Variants in RDH12 observed in about 807,000 individuals in gnomAD.
RDH12 encodes all-trans and 9-cis retinol dehydrogenase.
Under a neutral mutation model 34.0 loss-of-function variants are expected in RDH12, and 21 were observed. That is an observed-to-expected ratio of 0.62 (90% CI 0.44 to 0.89). The LOEUF (loss-of-function observed/expected upper bound fraction) is 0.89, where lower values mean the gene tolerates loss of function less well. Among genes scored for constraint, RDH12 ranks in the 40% least tolerant of loss-of-function variants. RDH12 has a pLI of 0.00. For synonymous variants in RDH12, 198 were observed against 169.9 expected, an observed-to-expected ratio of 1.17 and a Z score of -1.29; for missense variants, 394 against 398.6, an observed-to-expected ratio of 0.99 and a Z score of 0.10.
At position 67,726,190 on chromosome 14, in the gene RDH12, A is replaced by C. The variant is rs759195782; in HGVS notation, c.448+35A>C. ...TTTGGGTGACTAAAAAATGAGGTAC[A>C]CCCACTATCTTTTCTTTAGGAAGAT... On this transcript the variant is annotated intron_variant, in intron 6 of 8. Coordinates refer to ENST00000551171, the MANE Select transcript of RDH12 (RefSeq NM_152443.3). 3.3e-6 allele frequency: 4 copies of C among 1,200,762 alleles called. No homozygotes were observed. The South Asian group carries it at 4.8e-5, about 14-fold the overall frequency. The allele number at this position is 1,200,762 out of a possible 1,614,324, so 74.4% of individuals were successfully genotyped here.
chr14:67,726,269 C>T (rs1037399062), intron 6 of RDH12, 114 bp downstream of exon 6: 7 of 755,786 alleles, frequency 9.3e-6, no homozygotes, highest in Non-Finnish European at 1.7e-5. Context: ...CCTAGGAATT[C>T]CAATAGACTA....
rs765914942 is a variant in RDH12 at position 67,725,195 on chromosome 14, G to A, written c.284G>A (p.Arg95Gln). The A allele has an allele frequency of 5.8e-5, 94 of 1,614,024 alleles. No individual in the cohort carries two copies. Among genetic ancestry groups the A allele is most frequent in the Non-Finnish European group, 7.1e-5 (84 of 1,180,042 alleles). Residue 95 changes from arginine to glutamine, a missense_variant, in exon 5 of 9, where the codon CGG becomes CAG. Transcript: ENST00000551171. ...ACAAAGAACTCCCAGGTGCTGGTGC[G>A]GAAATTGGACCTATCCGACACCAAA... is the stretch of plus-strand genomic sequence containing the variant. The part of the protein sequence containing the change: ...VDTKNSQVLV[R>Q]KLDLSDTKSI...
At chr14:67,713,860 G>A (rs1028088011) in intron 1 of RDH12, among the ~76,000 whole-genome samples, 8 of 152,236 alleles carry the variant, frequency 5.3e-5, no homozygotes, top group African/African-American at 1.9e-4. Flanking sequence ...GAAGCAGGGA[G>A]GGGGCTTCCA....
intron 7 of RDH12, 122 bp downstream of exon 7, chr14:67,727,312 G>A: frequency 5.1e-6 from 4 of 787,972 alleles, no homozygotes; most frequent in South Asian, 4.4e-5. Context: ...GGACTAAGGA[G>A]AATGAAATTA....
Position 67,725,021 on chromosome 14 carries a change from C to A in RDH12, c.188-78C>A, listed in dbSNP as rs918044863. 4.0e-6 allele frequency: 6 copies of A among 1,496,692 alleles called. No homozygotes were observed. The Admixed American group carries it at 5.0e-5, about 13-fold the overall frequency. The allele number at this position is 1,496,692 out of a possible 1,614,324, so 92.7% of individuals were successfully genotyped here. A position where few individuals can be genotyped will look rare whatever the true frequency, so the allele number is the denominator to read the frequency against. On this transcript the variant is annotated intron_variant, in intron 4 of 8. Coordinates refer to ENST00000551171, the MANE Select transcript of RDH12 (RefSeq NM_152443.3). ...CTGGGAGAATGAATGCTCTGTCCCC[C>A]AGTCCCAAGCTCACTTACTATACCT...
Position 67,722,529 on chromosome 14 carries a change from G to C in RDH12, c.-114G>C, listed in dbSNP as rs1003356344. The C allele has an allele frequency of 2.3e-6, 2 of 857,880 alleles. No individual in the cohort carries two copies. The highest frequency in any genetic ancestry group is 4.1e-6 in the Non-Finnish European group (2 of 490,726). The allele number at this position is 857,880 out of a possible 1,614,324, so 53.1% of individuals were successfully genotyped here. On this transcript the variant is annotated 5_prime_UTR_variant, in exon 3 of 9. Coordinates refer to ENST00000551171, the MANE Select transcript of RDH12 (RefSeq NM_152443.3). ...TGCTCAGCACCCAGGACGGAGAGGA[G>C]CAGAGAAGCAGCAGAAGCAGCCAAG... is the stretch of plus-strand genomic sequence containing the variant.
intron 1 of RDH12, among the ~76,000 whole-genome samples, chr14:67,706,773 A>C (rs2037954619): frequency 6.6e-6 from 1 of 152,030 alleles, no homozygotes; most frequent in African/African-American, 2.4e-5. Context: ...TCCACCCTTT[A>C]AAAAAAATCT....
chr14:67,704,596 T>C (rs1002704542), intron 1 of RDH12, among the ~76,000 whole-genome samples: 1 of 152,182 alleles, frequency 6.6e-6, no homozygotes, highest in Non-Finnish European at 1.5e-5. Context: ...GCAGGTGTCT[T>C]AGAGTGCACT....
chr14:67,727,441 T>C (rs2038201743), intron 7 of RDH12: 3 of 471,816 alleles, frequency 6.4e-6, no homozygotes, highest in Middle Eastern at 6.2e-4. Context: ...CATTTGATTT[T>C]CACAGTAGCT....
chr14:67,722,717 C>G lies in RDH12; in HGVS notation c.68+7C>G. On this transcript the variant is annotated splice_region_variant and intron_variant, in intron 3 of 8. Transcript: ENST00000551171. ...TGGTAGCTCCATCCATCAGGTTTGT[C>G]TTAATTCAGCAACTCAAACAATCGT... 6.2e-7 allele frequency: 1 copy of G among 1,611,396 alleles called. No individual in the cohort carries two copies. The highest frequency in any genetic ancestry group is 8.5e-7 in the Non-Finnish European group (1 of 1,177,464).
intron 1 of RDH12, among the ~76,000 whole-genome samples, chr14:67,708,357 A>C (rs1288668459): frequency 6.6e-6 from 1 of 152,162 alleles, no homozygotes; most frequent in East Asian, 1.9e-4. Flanking sequence ...GAGAGTCCTG[A>C]AAGTTTTTTC....
intron 3 of RDH12, among the ~76,000 whole-genome samples, chr14:67,723,801 T>A (rs913556382): frequency 6.6e-6 from 1 of 152,264 alleles, no homozygotes; most frequent in Non-Finnish European, 1.5e-5. Flanking sequence ...CCCTCCGTAT[T>A]CTGTTTTAGG....
chr14:67,718,388 C>T (rs1377320819), intron 1 of RDH12, among the ~76,000 whole-genome samples: 2 of 152,190 alleles, frequency 1.3e-5, no homozygotes, highest in East Asian at 3.8e-4. Flanking sequence ...AGTAGGGTAT[C>T]CAGGACAGGG....
At chr14:67,712,039 C>T (rs1408077935) in intron 1 of RDH12, among the ~76,000 whole-genome samples, 2 of 152,148 alleles carry the variant, frequency 1.3e-5, no homozygotes, top group South Asian at 2.1e-4. Flanking sequence ...CCTGCCTCAG[C>T]CCCCTGAGTA....
chr14:67,726,909 C>T, intron 6 of RDH12, 72 bp from the exon 7 acceptor site: 1 of 1,364,290 alleles, frequency 7.3e-7, no homozygotes, highest in Middle Eastern at 2.5e-4. Flanking sequence ...ACACTGAAGT[C>T]CTCTTGGCTC....
intron 1 of RDH12, among the ~76,000 whole-genome samples, chr14:67,710,317 C>A (rs1375890706): frequency 6.6e-6 from 1 of 152,070 alleles, no homozygotes; most frequent in African/African-American, 2.4e-5. Context: ...GATGTAGTAA[C>A]CTTAATTTAA....
chr14:67,733,287 G>A (rs2038309810), intron 8 of RDH12, among the ~76,000 whole-genome samples: 1 of 152,142 alleles, frequency 6.6e-6, no homozygotes, highest in Non-Finnish European at 1.5e-5. Context: ...AATTCAAGAG[G>A]CCTGTGAACT....
intron 2 of RDH12, among the ~76,000 whole-genome samples, chr14:67,722,058 A>G (rs928808696): frequency 1.3e-5 from 2 of 152,148 alleles, no homozygotes; most frequent in African/African-American, 4.8e-5. Flanking sequence ...TAGCACCCAG[A>G]TGAAAGAGCA....
At chr14:67,712,493 C>CAA (rs79758974) in intron 1 of RDH12, among the ~76,000 whole-genome samples, 2,005 of 38,592 alleles carry the variant, frequency 0.052, 181 homozygotes, top group South Asian at 0.22. Context: ...AAAAAACTTG[C>CAA]AAAAAAAAAA....
Sources: allele counts gnomAD v4.1 joint callset (sites outside exome capture counted in the v4.1 genomes callset), GRCh38; gene constraint gnomAD v4.1.1; transcripts MANE v1.5; gene names NCBI Gene and HGNC (gene_info 2026-07-23, HGNC 2026-07-21).